ANGEL2: variants seen among roughly 807,000 people sequenced by gnomAD.
The protein encoded by ANGEL2 is RNA 2',3'-cyclic phosphatase ANGEL2.
A neutral mutation model predicts 66.0 loss-of-function variants in ANGEL2; 41 were observed. That is an observed-to-expected ratio of 0.62 (90% CI 0.48 to 0.81). ANGEL2 has a LOEUF of 0.81. Ranked by LOEUF, ANGEL2 falls within the 30% of genes least tolerant of loss-of-function variation. The pLI is 0.00. For synonymous variants in ANGEL2, 208 were observed against 226.5 expected (o/e 0.92, Z 0.73); for missense variants, 561 against 641.6 (o/e 0.87, Z 1.36).
intron 1 of ANGEL2, 31 bp from the exon 2 acceptor site, chr1:213,013,449 C>G (rs936450867): frequency 6.4e-7 from 1 of 1,555,568 alleles, no homozygotes; most frequent in African/African-American, 1.4e-5. Flanking sequence ...CCTTGAGGCA[C>G]CACTTTTTGT....
chr1:213,014,626 T>G (rs1192776348), intron 1 of ANGEL2, among the ~76,000 whole-genome samples: 1 of 152,232 alleles, frequency 6.6e-6, no homozygotes, highest in Non-Finnish European at 1.5e-5. Flanking sequence ...TTGCAGTTAT[T>G]TATTCAGACT....
chr1:212,997,494 AC>A (rs1379844161), intron 7 of ANGEL2, among the ~76,000 whole-genome samples, 176 bp from the exon 8 acceptor site: 1 of 152,184 alleles, frequency 6.6e-6, no homozygotes, highest in African/African-American at 2.4e-5. Flanking sequence ...GATATCTAAA[AC>A]CCATCAATAA....
rs754994566 is a variant in ANGEL2 at position 212,995,131 on chromosome 1, T to C, written c.1545A>G (p.Glu515=). ...KLLARLSLLT[E]QDLWTVNGLP... ...GTCCATTAACAGTCCATAAGTCTTG[T>C]TCTGTAAGAAGTGACAGTCTAGCTA... The change falls in exon 9 of 9, where the codon GAA becomes GAG. Residue 515 remains glutamate, a synonymous_variant. Coordinates refer to ENST00000366962, the MANE Select transcript of ANGEL2 (RefSeq NM_144567.5). 1 of 1,611,394 alleles carries C rather than the reference T, an allele frequency of 6.2e-7. No individual in the cohort carries two copies.
chr1:213,002,703 A>T (rs1218916216), intron 5 of ANGEL2, among the ~76,000 whole-genome samples: 2 of 152,158 alleles, frequency 1.3e-5, no homozygotes, highest in Non-Finnish European at 2.9e-5. Flanking sequence ...GGATTGCTCA[A>T]GCCCAGGAGT....
chr1:212,996,663 A>G (rs1390735265), intron 8 of ANGEL2, among the ~76,000 whole-genome samples: 2 of 132,978 alleles, frequency 1.5e-5, no homozygotes, highest in East Asian at 2.2e-4. Context: ...ATATATATAT[A>G]TATATATACT....
At position 213,005,334 on chromosome 1, in the gene ANGEL2, A is replaced by C; in HGVS notation, c.833T>G (p.Ile278Ser). 2 of 1,614,272 alleles carry C rather than the reference A, an allele frequency of 1.2e-6. No individual in the cohort carries two copies. Among genetic ancestry groups the C allele is most frequent in the South Asian group, 2.2e-5 (2 of 91,088 alleles). The change falls in exon 5 of 9, where the codon ATT (isoleucine) becomes AGT (serine). Residue 278 changes from isoleucine (I) to serine (S), a missense_variant. By Grantham distance (142) the Ile-to-Ser change is moderately radical. Transcript: ENST00000366962. ...AACATTGTCTCTGTCCAACAGAGAA[A>C]TATCAGGGCGGAAGAATTCCACTGG... Reference protein sequence around the residue: ...VNPVEFFRPDISLLDRDNVGL... With the variant: ...VNPVEFFRPDSSLLDRDNVGL...
chr1:213,011,890 T>C (rs539952805), intron 2 of ANGEL2, among the ~76,000 whole-genome samples: 1 of 152,348 alleles, frequency 6.6e-6, no homozygotes, highest in South Asian at 2.1e-4. Flanking sequence ...CCTATATTTA[T>C]AGATCTTAGG....
At position 213,015,772 on chromosome 1, in the gene ANGEL2, T is replaced by TTTTTTTTTTTTTTTTTTTTTTTG; in HGVS notation, c.-102_-101insCAAAAAAAAAAAAAAAAAAAAAA. On this transcript the variant is annotated 5_prime_UTR_variant, in exon 1 of 9. The change creates a premature stop within an existing upstream ORF in the 5' untranslated region. Transcript: ENST00000366962. ...AGTATCTAGGGAACCCCATCACTCT[T>TTTTTTTTTTTTTTTTTTTTTTTG]AAGTACCGACTCCAGTCCTGGCTGC... 1.3e-6 allele frequency: 2 copies of TTTTTTTTTTTTTTTTTTTTTTTG among 1,517,892 alleles called. No homozygotes were observed. The highest frequency in any genetic ancestry group is 1.8e-6 in the Non-Finnish European group (2 of 1,101,402). The allele number at this position is 1,517,892 out of a possible 1,614,324, so 94.0% of individuals were successfully genotyped here. A position where few individuals can be genotyped will look rare whatever the true frequency, so the allele number is the denominator to read the frequency against.
At chr1:212,998,227 C>CAAAA (rs1553282338) in intron 7 of ANGEL2, among the ~76,000 whole-genome samples, 1 of 103,366 alleles carries the variant, frequency 9.7e-6, no homozygotes. Flanking sequence ...CTCATCTCTA[C>CAAAA]AAAAAAAAAA....
intron 8 of ANGEL2, among the ~76,000 whole-genome samples, chr1:212,996,916 G>A (rs1289993497): frequency 1.3e-5 from 2 of 152,060 alleles, no homozygotes; most frequent in East Asian, 1.9e-4. Context: ...GAACTGGAGG[G>A]TAGGACTGCT....
intron 1 of ANGEL2, among the ~76,000 whole-genome samples, chr1:213,014,864 G>A (rs976772468): frequency 2.0e-5 from 3 of 152,110 alleles, no homozygotes; most frequent in Non-Finnish European, 4.4e-5. Flanking sequence ...CGTGGTGGGT[G>A]GTACACGAGT....
chr1:213,012,552 C>G lies in ANGEL2; in HGVS notation c.385+541G>C, dbSNP rs1371367632. Among the ~76,000 whole-genome samples, 4 of 152,152 alleles carry G rather than the reference C, an allele frequency of 2.6e-5. No homozygotes were observed. In the East Asian group the frequency reaches 7.7e-4, roughly 29 times the overall value. ...CCTTTCTTAAAGATAATACTTCGGG[C>G]AAACTCTCAAGATTTTATCTATGGA... On this transcript the variant is annotated intron_variant, in intron 2 of 8. Transcript: ENST00000366962.
chr1:213,006,372 G>A (rs527546326), intron 4 of ANGEL2, among the ~76,000 whole-genome samples: 43 of 151,862 alleles, frequency 2.8e-4, no homozygotes, highest in African/African-American at 8.0e-4. Flanking sequence ...CCTGAGGCAG[G>A]AGAATGGCGT....
At chr1:212,996,632 A>ATAT (rs1260056648) in intron 8 of ANGEL2, among the ~76,000 whole-genome samples, 6 of 54,032 alleles carry the variant, frequency 1.1e-4, no homozygotes. Flanking sequence ...CCAAAAAAAA[A>ATAT]AAAAAAAAAT....
chr1:213,011,308 A>G (rs886780803), intron 2 of ANGEL2: 17 of 1,276,692 alleles, frequency 1.3e-5, no homozygotes, highest in Non-Finnish European at 1.7e-5. Flanking sequence ...GCCTAATTAC[A>G]AAGTCATAAT....
intron 5 of ANGEL2, among the ~76,000 whole-genome samples, chr1:213,002,867 G>A (rs958493637): frequency 4.7e-5 from 7 of 150,190 alleles, no homozygotes; most frequent in Admixed American, 3.3e-4. Flanking sequence ...GCAGTGAACC[G>A]AGATCGTGTC....
chr1:213,004,928 C>T, intron 5 of ANGEL2, 105 bp downstream of exon 5: 1 of 564,106 alleles, frequency 1.8e-6, no homozygotes, highest in Non-Finnish European at 2.8e-6. Flanking sequence ...AGTGAGGGTA[C>T]TGGATCATCC....
At chr1:213,000,427 TGC>T in intron 6 of ANGEL2, 44 bp from the exon 7 acceptor site, 1 of 1,534,004 alleles carries the variant, frequency 6.5e-7, no homozygotes, top group Non-Finnish European at 9.0e-7. Flanking sequence ...TGTTCTAGTT[TGC>T]CTTAATATCG....
intron 7 of ANGEL2, among the ~76,000 whole-genome samples, chr1:212,999,153 C>T (rs546955228): frequency 9.3e-5 from 14 of 150,780 alleles, no homozygotes; most frequent in Non-Finnish European, 1.9e-4. Flanking sequence ...ATTACAGGCA[C>T]GAGCCACCAC....
Sources: gnomAD v4.1 joint callset for allele counts (sites outside exome capture counted in the v4.1 genomes callset) on GRCh38, gnomAD v4.1.1 for gene constraint, MANE v1.5 for transcripts, NCBI Gene and HGNC (gene_info 2026-07-23, HGNC 2026-07-21) for gene names.